Variants in MTHFD1L observed in about 807,000 individuals in gnomAD.
The protein encoded by MTHFD1L is methylenetetrahydrofolate dehydrogenase (NADP+ dependent) 1 like, also known as monofunctional C1-tetrahydrofolate synthase, mitochondrial.
MTHFD1L carries 81 observed loss-of-function variants against 119.5 expected under a neutral mutation model. The observed-to-expected ratio is 0.68, with a 90% confidence interval of 0.57 to 0.82. The LOEUF is 0.82. MTHFD1L is among the 40% of genes least tolerant of loss of function. MTHFD1L has a pLI of 0.00. For missense variants in MTHFD1L, 1,125 were observed against 1,253.4 expected (o/e 0.90, Z 1.55); for synonymous variants, 430 against 475.2 (o/e 0.90, Z 1.24).
chr6:151,001,178 A>G (rs1380187855), intron 20 of MTHFD1L, among the ~76,000 whole-genome samples: 10 of 152,140 alleles, frequency 6.6e-5, no homozygotes. Flanking sequence ...TGTATATTTG[A>G]TATATGTTTG....
intron 16 of MTHFD1L, among the ~76,000 whole-genome samples, chr6:150,954,259 A>G (rs1348118029): frequency 6.6e-6 from 1 of 152,234 alleles, no homozygotes; most frequent in African/African-American, 2.4e-5. Context: ...GTCAATGTGG[A>G]CAGCTTGTTA....
chr6:151,072,948 G>A (rs1792096029), intron 26 of MTHFD1L, among the ~76,000 whole-genome samples: 2 of 152,116 alleles, frequency 1.3e-5, no homozygotes, highest in Non-Finnish European at 2.9e-5. Flanking sequence ...ACTGGACAAA[G>A]TATATGAAAA....
intron 7 of MTHFD1L, among the ~76,000 whole-genome samples, chr6:150,894,232 G>A (rs1783836764): frequency 1.3e-5 from 2 of 152,132 alleles, no homozygotes; most frequent in African/African-American, 4.8e-5. Context: ...TGGAGGAAGA[G>A]AAATATATGG....
intron 5 of MTHFD1L, among the ~76,000 whole-genome samples, chr6:150,883,693 T>A (rs1781739052): frequency 6.6e-6 from 1 of 152,190 alleles, no homozygotes. Context: ...GTGATTCATG[T>A]CATGGAGTGA....
intron 10 of MTHFD1L, among the ~76,000 whole-genome samples, chr6:150,922,568 G>C (rs1789146753): frequency 6.6e-6 from 1 of 151,162 alleles, no homozygotes; most frequent in African/African-American, 2.4e-5. Context: ...GTTTTTTAAT[G>C]ATGTTTTAAA....
chr6:150,872,826 CT>C (rs879609305), intron 1 of MTHFD1L, among the ~76,000 whole-genome samples: 345 of 141,052 alleles, frequency 2.4e-3, no homozygotes, highest in Admixed American at 3.3e-3. Flanking sequence ...CACCCCCCAA[CT>C]TTTTTTTTTT....
intron 13 of MTHFD1L, among the ~76,000 whole-genome samples, chr6:150,939,753 C>T (rs532199048): frequency 0.012 from 1,810 of 145,124 alleles, 41 homozygotes; most frequent in African/African-American, 0.044. Flanking sequence ...GGCACAGTCT[C>T]GGCTCACTGC....
chr6:150,869,202 C>T (rs182328903), intron 1 of MTHFD1L, among the ~76,000 whole-genome samples: 1 of 152,058 alleles, frequency 6.6e-6, no homozygotes, highest in East Asian at 1.9e-4. Context: ...GGAAACGTGC[C>T]GAACGTGCAG....
chr6:150,872,825 A>G (rs1344817956), intron 1 of MTHFD1L, among the ~76,000 whole-genome samples: 1 of 148,484 alleles, frequency 6.7e-6, no homozygotes, highest in Non-Finnish European at 1.5e-5. Flanking sequence ...CCACCCCCCA[A>G]CTTTTTTTTT....
intron 20 of MTHFD1L, among the ~76,000 whole-genome samples, chr6:151,009,228 A>G (rs532546889): frequency 6.6e-6 from 1 of 151,844 alleles, no homozygotes; most frequent in African/African-American, 2.4e-5. Context: ...GAAAATCCCC[A>G]TCTGTATGAA....
At chr6:150,995,821 CA>C (rs1246167899) in intron 20 of MTHFD1L, among the ~76,000 whole-genome samples, 4 of 148,470 alleles carry the variant, frequency 2.7e-5, no homozygotes, top group African/African-American at 9.8e-5. Context: ...GCCACCACAT[CA>C]GGCTAATTTT....
At chr6:150,892,689 G>A (rs1294129680) in intron 7 of MTHFD1L, among the ~76,000 whole-genome samples, 1 of 152,150 alleles carries the variant, frequency 6.6e-6, no homozygotes, top group African/African-American at 2.4e-5. Context: ...GACAGCCTGT[G>A]TCTTTCATGT....
intron 20 of MTHFD1L, among the ~76,000 whole-genome samples, chr6:150,983,834 G>T (rs780895651): frequency 3.3e-5 from 5 of 152,002 alleles, no homozygotes; most frequent in Non-Finnish European, 7.4e-5. Context: ...TATCCCCCAG[G>T]CTAACAGCTC....
rs145549606 is a variant in MTHFD1L at position 150,907,620 on chromosome 6, G to A, written c.892+1859G>A. Reference sequence around the variant, plus strand: ...CGATTTGCTGTCACTGCTGCCCAGCGCCTCAAGACAGCCTTGTTCTTTGTA... The same window carrying A: ...CGATTTGCTGTCACTGCTGCCCAGCACCTCAAGACAGCCTTGTTCTTTGTA... On this transcript the variant is annotated intron_variant, in intron 8 of 27. Transcript: ENST00000367321. 5.5e-4 allele frequency among the ~76,000 whole-genome samples: 83 copies of A among 152,258 alleles called. 1 individual carries two copies. The East Asian group carries it at 0.013, about 23-fold the overall frequency.
intron 19 of MTHFD1L, among the ~76,000 whole-genome samples, chr6:150,971,288 C>T (rs1797968995): frequency 6.6e-6 from 1 of 152,092 alleles, no homozygotes; most frequent in Non-Finnish European, 1.5e-5. Flanking sequence ...CCTCCACCTC[C>T]CAGGTTCAAG....
At position 150,938,591 on chromosome 6, in the gene MTHFD1L, G is replaced by A. The variant is rs536063547; in HGVS notation, c.1394-108G>A. 22 of 1,114,224 alleles carry A rather than the reference G, an allele frequency of 2.0e-5. No homozygotes were observed. The African/African-American group carries it at 3.1e-4, about 16-fold the overall frequency. The allele number at this position is 1,114,224 out of a possible 1,614,324, so 69.0% of individuals were successfully genotyped here. ...ACTGCCTTTTGTTACTTCATCTTGG[G>A]TGTGACGCCTCTCTGTTGGGTTTGG... On this transcript the variant is annotated intron_variant, in intron 12 of 27. Coordinates refer to ENST00000367321, the MANE Select transcript of MTHFD1L (RefSeq NM_015440.5).
Position 150,867,378 on chromosome 6 carries a change from A to G in MTHFD1L, c.227+1329A>G, listed in dbSNP as rs1045262387. On this transcript the variant is annotated intron_variant, in intron 1 of 27. Transcript: ENST00000367321. Reference sequence around the variant, plus strand: ...GGATTATTTTATTTTATTTTCATAGAGACAGAGCACCACTCTGTTACCAGG... The same window carrying G: ...GGATTATTTTATTTTATTTTCATAGGGACAGAGCACCACTCTGTTACCAGG... 6.6e-5 allele frequency among the ~76,000 whole-genome samples: 10 copies of G among 152,114 alleles called. No homozygotes were observed. The South Asian group carries it at 1.0e-3, about 16-fold the overall frequency.
chr6:150,955,546 C>G (rs578115412), intron 16 of MTHFD1L, among the ~76,000 whole-genome samples: 11 of 141,034 alleles, frequency 7.8e-5, no homozygotes, highest in Non-Finnish European at 1.7e-4. Flanking sequence ...GTCGCCCAGG[C>G]TGGAGTGCAG....
Position 150,896,407 on chromosome 6 carries a change from AG to A in MTHFD1L, c.780+8429del, listed in dbSNP as rs369745174. Among the ~76,000 whole-genome samples the A allele has an allele frequency of 3.0e-3, 463 of 152,310 alleles. 3 individuals are homozygous for A. Among genetic ancestry groups the A allele is most frequent in the African/African-American group, 0.011 (449 of 41,580 alleles). On this transcript the variant is annotated intron_variant, in intron 7 of 27. Coordinates refer to ENST00000367321, the MANE Select transcript of MTHFD1L (RefSeq NM_015440.5). Reference sequence around the variant, plus strand: ...GATGGTGAGCACCTTCGGAGAGGGCAGGGATGGACACACAAGACAGCCTCAG... The same window carrying A: ...GATGGTGAGCACCTTCGGAGAGGGCAGGATGGACACACAAGACAGCCTCAG...
Sources: gnomAD v4.1 joint callset for allele counts (sites outside exome capture counted in the v4.1 genomes callset) on GRCh38, gnomAD v4.1.1 for gene constraint, MANE v1.5 for transcripts, NCBI Gene and HGNC (gene_info 2026-07-23, HGNC 2026-07-21) for gene names.